SEC14L1: variants seen among roughly 807,000 people sequenced by gnomAD.
The protein encoded by SEC14L1 is SEC14-like protein 1.
In SEC14L1, 48 loss-of-function variants were observed where a neutral mutation model predicts 85.3. The observed-to-expected ratio is 0.56, with a 90% CI of 0.45 to 0.72. The LOEUF (loss-of-function observed/expected upper bound fraction) is 0.72, where lower values mean the gene tolerates loss of function less well. Ranked by LOEUF, SEC14L1 falls within the 30% of genes least tolerant of loss-of-function variation. The pLI, the probability that SEC14L1 is intolerant of heterozygous loss-of-function variation, is 0.00. For synonymous variants in SEC14L1, 391 were observed against 355.5 expected, an observed-to-expected ratio of 1.10 and a Z score of -1.12; for missense variants, 682 against 921.4, an observed-to-expected ratio of 0.74 and a Z score of 3.36.
intron 10 of SEC14L1, among the ~76,000 whole-genome samples, chr17:77,204,222 TA>T (rs1280886237): frequency 6.6e-6 from 1 of 152,196 alleles, no homozygotes; most frequent in African/African-American, 2.4e-5. Flanking sequence ...CTTTATTTTT[TA>T]TTATGTTTTT....
At chr17:77,154,932 C>A (rs1194862365) in intron 3 of SEC14L1, among the ~76,000 whole-genome samples, 1 of 152,116 alleles carries the variant, frequency 6.6e-6, no homozygotes, top group East Asian at 1.9e-4. Context: ...CACTTTCTTG[C>A]CTTATTAAGG....
chr17:77,122,873 C>T (rs1373954754), intron 3 of SEC14L1, among the ~76,000 whole-genome samples: 1 of 152,174 alleles, frequency 6.6e-6, no homozygotes, highest in African/African-American at 2.4e-5. Context: ...GGTTGCATCC[C>T]CTCATGGGTA....
intron 3 of SEC14L1, among the ~76,000 whole-genome samples, chr17:77,172,900 T>C (rs1026104758): frequency 3.9e-5 from 6 of 152,182 alleles, no homozygotes; most frequent in African/African-American, 1.4e-4. Flanking sequence ...TACTATCCCA[T>C]TGAGGATCTG....
chr17:77,178,429 G>A (rs925390430), intron 3 of SEC14L1, among the ~76,000 whole-genome samples: 5 of 152,084 alleles, frequency 3.3e-5, no homozygotes, highest in Admixed American at 6.5e-5. Context: ...AACTTTTTAC[G>A]TGTGAAGTTT....
intron 2 of SEC14L1, chr17:77,089,284 T>C (rs775798754): frequency 1.6e-5 from 7 of 435,988 alleles, no homozygotes; most frequent in Non-Finnish European, 3.2e-5. Context: ...ATGTCAAGCA[T>C]GGTGACAAAG....
chr17:77,212,055 C>T lies in SEC14L1; in HGVS notation c.1717C>T (p.Pro573Ser), dbSNP rs1009222698. The change falls in exon 15 of 17, where the codon CCA becomes TCA. Residue 573 changes from proline (P) to serine (S), a missense_variant. Physicochemically the swap from Pro to Ser is moderately conservative, Grantham distance 74. Coordinates refer to ENST00000436233, the MANE Select transcript of SEC14L1 (RefSeq NM_001143998.2). ...NIYHSKRSPQ[P>S]PKKDSLGAHS... ...CTATCACTCCAAGAGGTCGCCACAA[C>T]CACCCAAAAAGGACTCCCTGGGAGC... 6.2e-7 allele frequency: 1 copy of T among 1,614,012 alleles called. No individual in the cohort carries two copies. Among genetic ancestry groups the T allele is most frequent in the African/African-American group, 1.3e-5 (1 of 74,910 alleles).
chr17:77,206,642 C>G lies in SEC14L1; in HGVS notation c.1342-86C>G. ...AACTTGAATGTCTTCCCCCCACCCT[C>G]CCACTCAGAATACCACATTGTCATT... On this transcript the variant is annotated intron_variant, in intron 12 of 16. Transcript: ENST00000436233. The surrounding 1 kb of genome is among the most constrained non-coding windows in gnomAD (Gnocchi z 4.3). The G allele has an allele frequency of 1.4e-6, 2 of 1,475,854 alleles. No homozygotes were observed. The highest frequency in any genetic ancestry group is 9.2e-7 in the Non-Finnish European group (1 of 1,086,094). The allele number at this position is 1,475,854 out of a possible 1,614,324, so 91.4% of individuals were successfully genotyped here.
In SEC14L1 at chr17:77,216,536, C is replaced by T; in HGVS notation, c.*2513C>T. 1 of 1,613,254 alleles carries T rather than the reference C, an allele frequency of 6.2e-7. No individual in the cohort carries two copies. Among genetic ancestry groups the T allele is most frequent in the Non-Finnish European group, 8.5e-7 (1 of 1,179,420 alleles). Reference sequence around the variant, plus strand: ...TGGTCCCTGCTTTCTCTTTCTCTTTCTCTGTGTCTCAGATGGCGATTTTGC... The same window carrying T: ...TGGTCCCTGCTTTCTCTTTCTCTTTTTCTGTGTCTCAGATGGCGATTTTGC... On this transcript the variant is annotated 3_prime_UTR_variant, in exon 17 of 17. Coordinates refer to ENST00000436233, the MANE Select transcript of SEC14L1 (RefSeq NM_001143998.2).
upstream of SEC14L1, among the ~76,000 whole-genome samples, chr17:77,139,776 G>A (rs1342558264): frequency 6.6e-6 from 1 of 152,086 alleles, no homozygotes; most frequent in African/African-American, 2.4e-5. Context: ...GAGATTACAG[G>A]CGTGAGCCAC....
intron 3 of SEC14L1, chr17:77,185,446 CG>C: frequency 1.1e-6 from 1 of 941,422 alleles, no homozygotes; most frequent in Non-Finnish European, 1.3e-6. Context: ...GGGAAGGGAA[CG>C]TTTTTAGTGT....
chr17:77,203,789 T>G, intron 10 of SEC14L1, 131 bp downstream of exon 10: 1 of 661,618 alleles, frequency 1.5e-6, no homozygotes, highest in Non-Finnish European at 2.6e-6. Context: ...TGAAAATATA[T>G]TAATATCGTC....
At chr17:77,112,093 AGGAGATCTGAT>A (rs1340283612) in intron 3 of SEC14L1, among the ~76,000 whole-genome samples, 1 of 152,176 alleles carries the variant, frequency 6.6e-6, no homozygotes, top group African/African-American at 2.4e-5. Context: ...GTGAGTTCTC[AGGAGATCTGAT>A]GGTTTTATAA....
Position 77,088,951 on chromosome 17 carries a change from T to C in SEC14L1, c.-359+2T>C, listed in dbSNP as rs1971438076. ...CGGGGACGGCTTCTCCCATCGCAAG[T>C]AGGGCTTGGACGGGAGGCGACAAAA... On this transcript the variant is annotated splice_donor_variant, in intron 1 of 19. Transcript: ENST00000392476. LOFTEE classifies it low-confidence loss of function (5UTR_SPLICE). 6.4e-6 allele frequency: 1 copy of C among 155,586 alleles called. No individual in the cohort carries two copies. Among genetic ancestry groups the C allele is most frequent in the African/African-American group, 2.4e-5 (1 of 41,340 alleles). The allele number at this position is 155,586 out of a possible 1,614,324, so 9.6% of individuals were successfully genotyped here.
At chr17:77,176,475 C>T (rs1469428408) in intron 3 of SEC14L1, among the ~76,000 whole-genome samples, 1 of 152,248 alleles carries the variant, frequency 6.6e-6, no homozygotes, top group African/African-American at 2.4e-5. Flanking sequence ...TCTGCCTAGG[C>T]ATTTGTCTGC....
At chr17:77,172,030 C>A (rs12453809) in intron 3 of SEC14L1, among the ~76,000 whole-genome samples, 1 of 151,958 alleles carries the variant, frequency 6.6e-6, no homozygotes, top group Admixed American at 6.6e-5. Context: ...ATTTACTGAG[C>A]GGTCCTTATA....
At chr17:77,211,533 A>C in intron 14 of SEC14L1, 2 of 179,178 alleles carry the variant, frequency 1.1e-5, no homozygotes, top group Non-Finnish European at 1.2e-5. Context: ...CTTGCTGGGA[A>C]CGCTGTCCTC....
At chr17:77,156,084 C>T (rs778314051) in intron 3 of SEC14L1, among the ~76,000 whole-genome samples, 1 of 152,150 alleles carries the variant, frequency 6.6e-6, no homozygotes, top group Non-Finnish European at 1.5e-5. Flanking sequence ...ACATACTTGC[C>T]TGGAATACCT....
chr17:77,200,252 C>T (rs1192520809), intron 8 of SEC14L1, among the ~76,000 whole-genome samples: 2 of 152,092 alleles, frequency 1.3e-5, no homozygotes, highest in African/African-American at 2.4e-5. Flanking sequence ...TCGCTGCAGC[C>T]TCCACCTCCC....
At chr17:77,205,813 C>G (rs1481808989) in intron 11 of SEC14L1, among the ~76,000 whole-genome samples, 1 of 152,168 alleles carries the variant, frequency 6.6e-6, no homozygotes, top group Non-Finnish European at 1.5e-5. Context: ...GCTCCTGGGA[C>G]AGTGCTTGCC....
Sources: allele counts gnomAD v4.1 joint callset (sites outside exome capture counted in the v4.1 genomes callset), GRCh38; gene constraint gnomAD v4.1.1; non-coding constraint Gnocchi (gnomAD v3.1); transcripts MANE v1.5; gene names NCBI Gene and HGNC (gene_info 2026-07-23, HGNC 2026-07-21).